Variants in TOX3 observed in about 807,000 individuals in gnomAD.
The protein encoded by TOX3 is TOX high mobility group box family member 3.
Under a neutral mutation model 64.3 loss-of-function variants are expected in TOX3, and 22 were observed. The ratio of observed to expected loss-of-function variants is 0.34; its 90% CI spans 0.24 to 0.49. The LOEUF is 0.49. Ranked by LOEUF, TOX3 falls within the 20% of genes least tolerant of loss-of-function variation. The pLI is 0.99. For missense variants in TOX3, 661 were observed against 714.4 expected, an observed-to-expected ratio of 0.93 and a Z score of 0.85; for synonymous variants, 291 against 273.6, an observed-to-expected ratio of 1.06 and a Z score of -0.63.
At chr16:52,493,095 A>G (rs1596823818) in intron 1 of TOX3, among the ~76,000 whole-genome samples, 3 of 152,314 alleles carry the variant, frequency 2.0e-5, no homozygotes, top group Admixed American at 2.0e-4. Flanking sequence ...CATACCTGCA[A>G]AAGACTATAC....
chr16:52,518,299 A>T (rs1176247611), intron 1 of TOX3, among the ~76,000 whole-genome samples: 1 of 152,234 alleles, frequency 6.6e-6, no homozygotes, highest in African/African-American at 2.4e-5. Flanking sequence ...CAAGCTGCCC[A>T]TTCAGTGTAT....
chr16:52,450,019 T>G (rs1027855444), intron 4 of TOX3, among the ~76,000 whole-genome samples: 1 of 152,150 alleles, frequency 6.6e-6, no homozygotes, highest in Non-Finnish European at 1.5e-5. Flanking sequence ...ATTAGAAAAA[T>G]TGGGCCTACA....
intron 1 of TOX3, among the ~76,000 whole-genome samples, chr16:52,529,178 A>T (rs2151483301): frequency 6.6e-6 from 1 of 152,340 alleles, no homozygotes; most frequent in South Asian, 2.1e-4. Context: ...CAGAGAGTAT[A>T]CTAATTTTCC....
At chr16:52,507,617 A>T (rs1962193250) in intron 1 of TOX3, among the ~76,000 whole-genome samples, 1 of 152,234 alleles carries the variant, frequency 6.6e-6, no homozygotes, top group South Asian at 2.1e-4. Flanking sequence ...AAAATAAGTC[A>T]CAAATAAGCA....
intron 1 of TOX3, among the ~76,000 whole-genome samples, chr16:52,469,440 A>G (rs1160164072): frequency 1.3e-5 from 2 of 152,222 alleles, no homozygotes; most frequent in African/African-American, 4.8e-5. Flanking sequence ...GGTAATATGG[A>G]AAGGCTCTGT....
chr16:52,500,816 A>C (rs1961980849), intron 1 of TOX3, among the ~76,000 whole-genome samples: 1 of 152,224 alleles, frequency 6.6e-6, no homozygotes, highest in Non-Finnish European at 1.5e-5. Context: ...CAGACATGTT[A>C]AAATGTGAAA....
chr16:52,465,207 GGTTTCACCGT>G (rs1307854289), intron 2 of TOX3, among the ~76,000 whole-genome samples: 1 of 151,164 alleles, frequency 6.6e-6, no homozygotes, highest in East Asian at 1.9e-4. Context: ...GTAGAGACGG[GGTTTCACCGT>G]GTTAGGCAGG....
At chr16:52,538,592 A>G (rs904361665) in intron 1 of TOX3, among the ~76,000 whole-genome samples, 1 of 152,226 alleles carries the variant, frequency 6.6e-6, no homozygotes, top group Non-Finnish European at 1.5e-5. Flanking sequence ...GACCCAGCTT[A>G]AAACCTCACT....
chr16:52,512,899 G>C (rs1419167183), intron 1 of TOX3, among the ~76,000 whole-genome samples: 1 of 152,170 alleles, frequency 6.6e-6, no homozygotes, highest in Non-Finnish European at 1.5e-5. Flanking sequence ...GCAGGGGAAG[G>C]AAAGAGCTAG....
At chr16:52,473,119 T>G (rs553276298) in intron 1 of TOX3, among the ~76,000 whole-genome samples, 1 of 152,232 alleles carries the variant, frequency 6.6e-6, no homozygotes, top group East Asian at 1.9e-4. Context: ...CCATGTGAAG[T>G]GCCAAAGTAA....
intron 2 of TOX3, among the ~76,000 whole-genome samples, chr16:52,464,879 C>T (rs528436042): frequency 1.5e-4 from 23 of 151,754 alleles, no homozygotes; most frequent in African/African-American, 3.4e-4. Flanking sequence ...TACCAGTCTT[C>T]GACTTTTTAA....
Position 52,468,576 on chromosome 16 carries a change from T to C in TOX3, c.88-2A>G. ...CATATAGTTATTATTATTTCCAAAC[T>C]GAAAGAAAACAGATTGTTTTACGTT... On this transcript the variant is annotated splice_acceptor_variant, in intron 1 of 6. Coordinates refer to ENST00000219746, the MANE Select transcript of TOX3 (RefSeq NM_001080430.4). LOFTEE classifies it high-confidence loss of function. 2.5e-6 allele frequency: 4 copies of C among 1,609,708 alleles called. No homozygotes were observed. Among genetic ancestry groups the C allele is most frequent in the Non-Finnish European group, 3.4e-6 (4 of 1,177,238 alleles).
chr16:52,518,677 T>A (rs771780612), intron 1 of TOX3, among the ~76,000 whole-genome samples: 1 of 152,236 alleles, frequency 6.6e-6, no homozygotes, highest in Non-Finnish European at 1.5e-5. Context: ...ATTATCTTGA[T>A]AAAATGCAAC....
chr16:52,468,180 AT>A (rs1230567534), intron 2 of TOX3, among the ~76,000 whole-genome samples: 1 of 152,236 alleles, frequency 6.6e-6, no homozygotes, highest in African/African-American at 2.4e-5. Flanking sequence ...ATCTAAAAAA[AT>A]AACCACTTAT....
Position 52,463,275 on chromosome 16 carries a change from ATACT to A in TOX3, c.408+655_408+658del, listed in dbSNP as rs543691428. Among the ~76,000 whole-genome samples the A allele has an allele frequency of 8.7e-4, 133 of 152,342 alleles. 1 individual carries two copies. Among genetic ancestry groups the A allele is most frequent in the African/African-American group, 2.8e-3 (118 of 41,592 alleles). On this transcript the variant is annotated intron_variant, in intron 3 of 6. Coordinates refer to ENST00000219746, the MANE Select transcript of TOX3 (RefSeq NM_001080430.4). Reference sequence around the variant, plus strand: ...AAAAATCCCAGCAGAAGAGTTTAAAATACTTAAGCAGATTTACTCTAGTGATTGC... The same window carrying A: ...AAAAATCCCAGCAGAAGAGTTTAAAATAAGCAGATTTACTCTAGTGATTGC...
intron 1 of TOX3, among the ~76,000 whole-genome samples, chr16:52,469,946 C>G (rs760009283): frequency 1.3e-5 from 2 of 152,062 alleles, no homozygotes; most frequent in South Asian, 4.2e-4. Context: ...GCCAACACAC[C>G]GAAATGCACA....
chr16:52,508,558 C>A (rs1481166069), intron 1 of TOX3, among the ~76,000 whole-genome samples: 1 of 152,078 alleles, frequency 6.6e-6, no homozygotes, highest in Non-Finnish European at 1.5e-5. Context: ...TATATAACAT[C>A]ATTCCACTTA....
chr16:52,543,616 G>A (rs551288576), intron 1 of TOX3, among the ~76,000 whole-genome samples: 1 of 152,204 alleles, frequency 6.6e-6, no homozygotes, highest in Admixed American at 6.5e-5. Flanking sequence ...TCAAACAGTC[G>A]ACTTTCTACT....
chr16:52,449,565 C>T (rs1470519846), intron 4 of TOX3, among the ~76,000 whole-genome samples: 1 of 152,210 alleles, frequency 6.6e-6, no homozygotes, highest in Non-Finnish European at 1.5e-5. Context: ...TGCTATTCAT[C>T]CCCAAAGGGG....
Sources: allele counts gnomAD v4.1 joint callset (sites outside exome capture counted in the v4.1 genomes callset), GRCh38; gene constraint gnomAD v4.1.1; transcripts MANE v1.5; gene names NCBI Gene and HGNC (gene_info 2026-07-23, HGNC 2026-07-21).